Variants in PDXDC1 observed in about 807,000 individuals in gnomAD.
The protein encoded by PDXDC1 is pyridoxal dependent decarboxylase domain containing 1.
In PDXDC1, 42 loss-of-function variants were observed where a neutral mutation model predicts 100.1. The ratio of observed to expected loss-of-function variants is 0.42; its 90% CI spans 0.33 to 0.54. The LOEUF is 0.54. Ranked by LOEUF, PDXDC1 falls within the 20% of genes least tolerant of loss-of-function variation. The pLI, the probability that PDXDC1 is intolerant of heterozygous loss-of-function variation, is 0.10. For missense variants in PDXDC1, 636 were observed against 979.2 expected (o/e 0.65, Z 4.68); for synonymous variants, 260 against 371.7 (o/e 0.70, Z 3.46).
At chr16:15,048,835 G>A (rs1002475341) in intron 16 of PDXDC1, among the ~76,000 whole-genome samples, 103 of 150,368 alleles carry the variant, frequency 6.8e-4, no homozygotes, top group Non-Finnish European at 7.1e-4. Flanking sequence ...TGCTCCCCAG[G>A]CTGGTCTCAA....
intron 16 of PDXDC1, chr16:15,110,436 T>C: frequency 1.3e-6 from 2 of 1,580,768 alleles, no homozygotes; most frequent in South Asian, 2.2e-5. Context: ...GTCTTCCTCT[T>C]TCCATTGATT....
intron 16 of PDXDC1, chr16:15,060,820 A>T (rs973377402): frequency 2.0e-5 from 3 of 152,254 alleles, no homozygotes; most frequent in African/African-American, 7.2e-5. Context: ...ATCTAAAAAA[A>T]TTTTCCTGTT....
At chr16:15,053,779 C>T (rs1031771485) in intron 16 of PDXDC1, among the ~76,000 whole-genome samples, 3 of 152,104 alleles carry the variant, frequency 2.0e-5, no homozygotes, top group African/African-American at 7.2e-5. Flanking sequence ...GGTGTGGTGG[C>T]ATGCACCTGT....
chr16:15,128,236 A>C lies in PDXDC1; in HGVS notation c.1400-10643A>C, dbSNP rs752000659. On this transcript the variant is annotated intron_variant, in intron 16 of 16. Transcript: ENST00000535621. ...TCCGCACAGACCTTTGTCGTGCCAC[A>C]CTCGGATCTTCCACACGCTACCCAG... 1.2e-6 allele frequency: 2 copies of C among 1,611,312 alleles called. 1 individual carries two copies. The highest frequency in any genetic ancestry group is 4.5e-5 in the East Asian group (2 of 44,872).
intron 3 of PDXDC1, among the ~76,000 whole-genome samples, chr16:14,999,416 G>A (rs1972683339): frequency 6.6e-6 from 1 of 151,806 alleles, no homozygotes. Context: ...TGAGTCAAAA[G>A]TGATACATGG....
At chr16:15,079,150 G>T (rs1481444663) in intron 16 of PDXDC1, among the ~76,000 whole-genome samples, 2 of 136,094 alleles carry the variant, frequency 1.5e-5, no homozygotes, top group Non-Finnish European at 3.2e-5. Flanking sequence ...GCAACACCAA[G>T]ATTCAATTCC....
intron 16 of PDXDC1, among the ~76,000 whole-genome samples, chr16:15,081,642 T>C (rs557101560): frequency 6.6e-6 from 1 of 152,230 alleles, no homozygotes; most frequent in African/African-American, 2.4e-5. Flanking sequence ...TTCATCTTCT[T>C]GAAGATGTCC....
chr16:15,024,918 C>T (rs1439006691), intron 13 of PDXDC1, among the ~76,000 whole-genome samples: 1 of 152,310 alleles, frequency 6.6e-6, no homozygotes, highest in East Asian at 1.9e-4. Context: ...TTGTAAAGGC[C>T]TTATACAGAC....
At chr16:14,994,433 A>G (rs1971523566) in intron 1 of PDXDC1, among the ~76,000 whole-genome samples, 1 of 152,298 alleles carries the variant, frequency 6.6e-6, no homozygotes, top group South Asian at 2.1e-4. Context: ...CAGGTTTGCC[A>G]AAGATCAGAT....
chr16:14,997,646 C>A (rs185039465), intron 1 of PDXDC1, 107 bp from the exon 2 acceptor site: 3 of 1,233,530 alleles, frequency 2.4e-6, no homozygotes, highest in East Asian at 2.7e-5. Flanking sequence ...TCATGTATTT[C>A]ACAGTAAATC....
At chr16:15,141,750 G>A (rs571678198), downstream of PDXDC1, among the ~76,000 whole-genome samples, 8 of 152,336 alleles carry the variant, frequency 5.3e-5, no homozygotes, top group East Asian at 1.9e-4. Context: ...CACCATCCCC[G>A]CCGTGGGGTG....
At chr16:15,131,685 G>C in intron 16 of PDXDC1, 1 of 1,563,060 alleles carries the variant, frequency 6.4e-7, no homozygotes, top group South Asian at 1.1e-5. Context: ...GCACGTCTGA[G>C]CTGGCCAGGT....
At chr16:15,093,794 G>A (rs1044760919) in intron 16 of PDXDC1, among the ~76,000 whole-genome samples, 81 of 152,226 alleles carry the variant, frequency 5.3e-4, no homozygotes, top group African/African-American at 1.9e-3. Context: ...GACGACGTTC[G>A]GCTGATAACC....
At chr16:15,071,362 A>G in intron 16 of PDXDC1, 5 of 989,108 alleles carry the variant, frequency 5.1e-6, no homozygotes, top group Non-Finnish European at 7.5e-6. Context: ...CTACTATCTC[A>G]TAACTATCTC....
chr16:15,141,620 C>T (rs61531445), downstream of PDXDC1, among the ~76,000 whole-genome samples: 276 of 152,340 alleles, frequency 1.8e-3, 1 homozygote, highest in African/African-American at 5.7e-3. Context: ...CCGCTTCCCC[C>T]CTAACTGAAC....
At chr16:15,016,685 C>A (rs1429618052) in intron 9 of PDXDC1, among the ~76,000 whole-genome samples, 1 of 152,296 alleles carries the variant, frequency 6.6e-6, no homozygotes, top group East Asian at 1.9e-4. Context: ...GTGTCTCCTC[C>A]CCACAAAGCT....
the PDXDC1 span, among the ~76,000 whole-genome samples, chr16:15,148,567 G>A: frequency 6.7e-6 from 1 of 150,310 alleles, no homozygotes; most frequent in East Asian, 2.0e-4. Context: ...TTATTTTTTA[G>A]AGACCGGGGT....
chr16:15,135,206 A>C, intron 16 of PDXDC1: 1 of 782,372 alleles, frequency 1.3e-6, no homozygotes, highest in Non-Finnish European at 2.1e-6. Flanking sequence ...CCAGCACTAA[A>C]ACACGGAAAA....
At chr16:15,079,393 C>G (rs2045602890) in intron 16 of PDXDC1, among the ~76,000 whole-genome samples, 1 of 152,170 alleles carries the variant, frequency 6.6e-6, no homozygotes, top group Admixed American at 6.5e-5. Flanking sequence ...GAATCCCTTC[C>G]TGACCCCACT....
Sources: gnomAD v4.1 joint callset for allele counts (sites outside exome capture counted in the v4.1 genomes callset) on GRCh38, gnomAD v4.1.1 for gene constraint, MANE v1.5 for transcripts, NCBI Gene and HGNC (gene_info 2026-07-23, HGNC 2026-07-21) for gene names.